Variants in PABPC4L observed in about 807,000 individuals in gnomAD.
PABPC4L encodes polyadenylate-binding protein 4-like.
For missense variants in PABPC4L, 452 were observed against 451.4 expected (o/e 1.00, Z -0.01); for synonymous variants, 169 against 164.1 (o/e 1.03, Z -0.23).
the PABPC4L span, among the ~76,000 whole-genome samples, chr4:134,062,143 G>GT: frequency 6.6e-6 from 1 of 151,594 alleles, no homozygotes; most frequent in Non-Finnish European, 1.5e-5. Flanking sequence ...GTGTCAAAGG[G>GT]TTTTAAGCCT....
chr4:133,997,831 T>C, the PABPC4L span, among the ~76,000 whole-genome samples: 4 of 152,172 alleles, frequency 2.6e-5, no homozygotes, highest in African/African-American at 9.6e-5. Context: ...GTAATGCATG[T>C]TTATATCACT....
chr4:134,161,145 C>T, the PABPC4L span, among the ~76,000 whole-genome samples: 2 of 151,594 alleles, frequency 1.3e-5, no homozygotes, highest in African/African-American at 4.8e-5. Flanking sequence ...CAATTAACAA[C>T]CTTAAAAATG....
At chr4:134,109,672 A>G in the PABPC4L span, among the ~76,000 whole-genome samples, 1 of 152,186 alleles carries the variant, frequency 6.6e-6, no homozygotes, top group African/African-American at 2.4e-5. Context: ...CCAATACTGG[A>G]AGAAATAATA....
chr4:134,032,269 A>T, the PABPC4L span, among the ~76,000 whole-genome samples: 1 of 151,900 alleles, frequency 6.6e-6, no homozygotes, highest in Admixed American at 6.6e-5. Flanking sequence ...CCCTTTAAAA[A>T]ACATAAATAG....
chr4:133,994,464 T>C, the PABPC4L span, among the ~76,000 whole-genome samples: 1 of 152,136 alleles, frequency 6.6e-6, no homozygotes, highest in Non-Finnish European at 1.5e-5. Flanking sequence ...ACTGCTTTTC[T>C]TCCCTCCGAA....
At chr4:134,058,084 T>G in the PABPC4L span, among the ~76,000 whole-genome samples, 1 of 151,992 alleles carries the variant, frequency 6.6e-6, no homozygotes, top group Admixed American at 6.6e-5. Flanking sequence ...GAAAATGTAG[T>G]TATGCTGCTC....
chr4:134,085,050 G>A, the PABPC4L span, among the ~76,000 whole-genome samples: 2 of 152,142 alleles, frequency 1.3e-5, no homozygotes, highest in African/African-American at 4.8e-5. Context: ...TCCTGCAAAT[G>A]GTGCGAATTT....
the PABPC4L span, among the ~76,000 whole-genome samples, chr4:134,059,068 C>G: frequency 6.6e-6 from 1 of 151,922 alleles, no homozygotes; most frequent in African/African-American, 2.4e-5. Context: ...GGCTGAAAAG[C>G]AGAATAGTTA....
At chr4:134,060,348 G>A in the PABPC4L span, among the ~76,000 whole-genome samples, 1 of 151,800 alleles carries the variant, frequency 6.6e-6, no homozygotes, top group African/African-American at 2.4e-5. Context: ...ATGACCTAAT[G>A]AGACACCAGC....
the PABPC4L span, among the ~76,000 whole-genome samples, chr4:134,088,428 A>G: frequency 6.6e-6 from 1 of 152,116 alleles, no homozygotes; most frequent in Non-Finnish European, 1.5e-5. Context: ...AAGTTACTCC[A>G]TGATATACAT....
chr4:134,034,914 T>A, the PABPC4L span, among the ~76,000 whole-genome samples: 5 of 152,070 alleles, frequency 3.3e-5, no homozygotes, highest in African/African-American at 4.8e-5. Context: ...ACTCCAATTT[T>A]GAAATAACTT....
At chr4:133,970,118 A>G in the PABPC4L span, among the ~76,000 whole-genome samples, 1 of 148,654 alleles carries the variant, frequency 6.7e-6, no homozygotes, top group Non-Finnish European at 1.5e-5. Flanking sequence ...TATAAAATAT[A>G]TATATATTTC....
chr4:134,121,271 G>T, the PABPC4L span, among the ~76,000 whole-genome samples: 1 of 150,468 alleles, frequency 6.6e-6, no homozygotes, highest in Non-Finnish European at 1.5e-5. Flanking sequence ...ATTACCTGTG[G>T]GTCTGTTTAT....
the PABPC4L span, among the ~76,000 whole-genome samples, chr4:133,992,947 T>A: frequency 6.6e-6 from 1 of 151,998 alleles, no homozygotes; most frequent in Non-Finnish European, 1.5e-5. Flanking sequence ...AGTACCAGGT[T>A]GGGTCCTAGC....
the PABPC4L span, among the ~76,000 whole-genome samples, chr4:134,071,551 C>T: frequency 1.3e-5 from 2 of 152,158 alleles, no homozygotes; most frequent in African/African-American, 4.8e-5. Flanking sequence ...TCACACCACC[C>T]TATGCCTTTT....
the PABPC4L span, among the ~76,000 whole-genome samples, chr4:134,054,260 A>G: frequency 2.8e-3 from 249 of 89,456 alleles, no homozygotes; most frequent in African/African-American, 7.5e-3. Context: ...ATGTATATAT[A>G]TATATATATA....
chr4:134,123,010 C>T, the PABPC4L span, among the ~76,000 whole-genome samples: 1 of 151,896 alleles, frequency 6.6e-6, no homozygotes, highest in Non-Finnish European at 1.5e-5. Context: ...TTCTATAAAG[C>T]TGTCACATAC....
At chr4:134,148,845 T>C in the PABPC4L span, among the ~76,000 whole-genome samples, 3 of 107,720 alleles carry the variant, frequency 2.8e-5, no homozygotes, top group African/African-American at 1.2e-4. Flanking sequence ...AGCTCAAAAT[T>C]AGTTGAATGA....
chr4:134,011,979 A>T, the PABPC4L span, among the ~76,000 whole-genome samples: 1 of 151,040 alleles, frequency 6.6e-6, no homozygotes, highest in South Asian at 2.1e-4. Context: ...GCCCATATGT[A>T]CTCTCACTCT....
Sources: gnomAD v4.1 joint callset for allele counts (sites outside exome capture counted in the v4.1 genomes callset) on GRCh38, gnomAD v4.1.1 for gene constraint, MANE v1.5 for transcripts, NCBI Gene and HGNC (gene_info 2026-07-23, HGNC 2026-07-21) for gene names.